Variants in WNK2 observed in about 807,000 individuals in gnomAD.
WNK2 encodes the protein serine/threonine-protein kinase WNK2.
Under a neutral mutation model 192.1 loss-of-function variants are expected in WNK2, and 67 were observed. That is an observed-to-expected ratio of 0.35 (90% CI 0.29 to 0.43). The LOEUF (loss-of-function observed/expected upper bound fraction) is 0.43. Ranked by LOEUF, WNK2 falls within the 20% of genes least tolerant of loss-of-function variation. WNK2 has a pLI of 1.00. For missense variants in WNK2, 2,698 were observed against 3,089.7 expected (o/e 0.87, Z 3.01); for synonymous variants, 1,439 against 1,393.9 (o/e 1.03, Z -0.72).
intron 14 of WNK2, chr9:93,263,314 A>C (rs1564120554): frequency 3.6e-6 from 2 of 559,520 alleles, no homozygotes; most frequent in African/African-American, 3.8e-5. Context: ...CAGGAGACTG[A>C]GAGGATCAAG....
At position 93,273,406 on chromosome 9, in the gene WNK2, G is replaced by A. The variant is rs537826651; in HGVS notation, c.4033+4660G>A. 1.6e-4 allele frequency among the ~76,000 whole-genome samples: 24 copies of A among 152,262 alleles called. No homozygotes were observed. The South Asian group carries it at 4.1e-3, about 26-fold the overall frequency. ...CTTGACCTCATGATCCACCCGCCTC[G>A]GCCTCCCAAAGTGCTGGGATTACAG... On this transcript the variant is annotated intron_variant, in intron 19 of 29. Coordinates refer to ENST00000427277, the MANE Select transcript of WNK2 (RefSeq NM_006648.4).
At chr9:93,214,647 T>C (rs1420194559) in intron 2 of WNK2, among the ~76,000 whole-genome samples, 2 of 151,128 alleles carry the variant, frequency 1.3e-5, no homozygotes, top group African/African-American at 4.9e-5. Flanking sequence ...TTTTACATGG[T>C]TTCTGTTGAG....
chr9:93,260,890 C>G (rs888317172), intron 12 of WNK2, among the ~76,000 whole-genome samples: 1 of 152,210 alleles, frequency 6.6e-6, no homozygotes, highest in South Asian at 2.1e-4. Flanking sequence ...ACCTTGCTGT[C>G]TGGGCTTTCC....
At chr9:93,253,548 C>T (rs937036452) in intron 9 of WNK2, among the ~76,000 whole-genome samples, 2 of 152,084 alleles carry the variant, frequency 1.3e-5, no homozygotes, top group African/African-American at 2.4e-5. Context: ...ATCATTTGTA[C>T]GAAGGAAACC....
In WNK2 at chr9:93,247,814, C is replaced by T. The variant is rs1841988104; in HGVS notation, c.1814C>T (p.Thr605Ile). The change falls in exon 8 of 30, where the codon ACC (threonine) becomes ATC (isoleucine). Residue 605 changes from threonine to isoleucine, a missense_variant. By Grantham distance (89) the Thr-to-Ile change is moderately conservative. Around this residue, in one of 7 missense-constraint regions of WNK2, gnomAD observed 893 missense variants for 909.0 expected, o/e 0.98. Transcript: ENST00000427277. The surrounding 1 kb of genome is among the most constrained non-coding windows in gnomAD (Gnocchi z 5.2). ...CACCTCCTGCCACCTACGTTGCCGA[C>T]CAGCGCCACCTCCCTGGCCTGTGAG... Reference protein sequence around the residue: ...DQHLLPPTLPTSATSLASDST... With the variant: ...DQHLLPPTLPISATSLASDST... The T allele has an allele frequency of 6.5e-7, 1 of 1,540,342 alleles. No individual in the cohort carries two copies. Among genetic ancestry groups the T allele is most frequent in the Non-Finnish European group, 8.7e-7 (1 of 1,147,704 alleles).
intron 26 of WNK2, among the ~76,000 whole-genome samples, chr9:93,301,804 C>T (rs1180271509): frequency 2.0e-5 from 3 of 152,210 alleles, no homozygotes; most frequent in Non-Finnish European, 4.4e-5. Flanking sequence ...GGCCCCACTT[C>T]CACCCCCATG....
chr9:93,196,160 T>C (rs920020907), intron 2 of WNK2, among the ~76,000 whole-genome samples: 3 of 152,176 alleles, frequency 2.0e-5, no homozygotes, highest in African/African-American at 7.2e-5. Flanking sequence ...AAGCCAGGAC[T>C]GGCTCTGGGG....
chr9:93,247,869 C>T lies in WNK2; in HGVS notation c.1834+35C>T, dbSNP rs547019090. ...CAGGGGTGGGATGGCCATGGGCACC[C>T]CTCCCACCTACCCTGCAAAAACCAG... is the stretch of plus-strand genomic sequence containing the variant. On this transcript the variant is annotated intron_variant, in intron 8 of 29. Coordinates refer to ENST00000427277, the MANE Select transcript of WNK2 (RefSeq NM_006648.4). The surrounding 1 kb of genome is among the most constrained non-coding windows in gnomAD (Gnocchi z 5.2). 3 of 1,526,700 alleles carry T rather than the reference C, an allele frequency of 2.0e-6. No homozygotes were observed. The South Asian group carries it at 3.6e-5, about 18-fold the overall frequency. The allele number at this position is 1,526,700 out of a possible 1,614,324, so 94.6% of individuals were successfully genotyped here.
intron 8 of WNK2, among the ~76,000 whole-genome samples, chr9:93,251,997 AACAG>A (rs1332396737): frequency 6.6e-6 from 1 of 152,244 alleles, no homozygotes; most frequent in Non-Finnish European, 1.5e-5. Flanking sequence ...TTAAATTATA[AACAG>A]ACACAGTATT....
intron 2 of WNK2, among the ~76,000 whole-genome samples, chr9:93,217,896 A>C (rs943890897): frequency 6.6e-6 from 1 of 152,180 alleles, no homozygotes; most frequent in African/African-American, 2.4e-5. Context: ...AGTGAGGCCT[A>C]GGTGACTTCA....
intron 28 of WNK2, among the ~76,000 whole-genome samples, chr9:93,309,497 T>C (rs1407769450): frequency 6.6e-6 from 1 of 152,236 alleles, no homozygotes; most frequent in African/African-American, 2.4e-5. Context: ...AAATTTTAAA[T>C]TAATTGCCAT....
At chr9:93,228,284 A>G (rs749402514) in intron 2 of WNK2, among the ~76,000 whole-genome samples, 5 of 152,160 alleles carry the variant, frequency 3.3e-5, no homozygotes, top group Non-Finnish European at 7.4e-5. Flanking sequence ...TTTTTTACCA[A>G]GATGACCCTT....
intron 18 of WNK2, 109 bp from the exon 19 acceptor site, chr9:93,268,518 A>G: frequency 6.7e-7 from 1 of 1,497,892 alleles, no homozygotes; most frequent in African/African-American, 1.4e-5. Flanking sequence ...CCATAGGTGT[A>G]AAGGAGTTCA....
rs758495591 is a variant in WNK2 at position 93,247,563 on chromosome 9, C to T, written c.1563C>T (p.His521=). ...TACAGATTGAGTCTGGATTCTTCCA[C>T]GAGAGTGACGTCAAGATCGTGGCCA... The part of the protein sequence containing the change: ...AQEMIESGFF[H]ESDVKIVAKS... The change falls in exon 8 of 30, where the codon CAC becomes CAT. Residue 521 remains histidine, a synonymous_variant. Transcript: ENST00000427277. The surrounding 1 kb of genome is among the most constrained non-coding windows in gnomAD (Gnocchi z 5.2). The T allele has an allele frequency of 8.7e-6, 14 of 1,609,990 alleles. No individual in the cohort carries two copies. The highest frequency in any genetic ancestry group is 1.3e-5 in the African/African-American group (1 of 74,884).
intron 7 of WNK2, among the ~76,000 whole-genome samples, chr9:93,246,436 C>T (rs936102384): frequency 9.2e-5 from 14 of 152,178 alleles, no homozygotes; most frequent in Non-Finnish European, 1.9e-4. Flanking sequence ...ATTTACACCG[C>T]GAAGGTGTCG....
In WNK2 at chr9:93,270,619, G is replaced by T. The variant is rs117361718; in HGVS notation, c.4033+1873G>T. Reference sequence around the variant, plus strand: ...CCCAAGGAGCAGAAGCAAATGCTTTGGTGCAGGCAGGAAAGCCTCCAGGAG... The same window carrying T: ...CCCAAGGAGCAGAAGCAAATGCTTTTGTGCAGGCAGGAAAGCCTCCAGGAG... On this transcript the variant is annotated intron_variant, in intron 19 of 29. Coordinates refer to ENST00000427277, the MANE Select transcript of WNK2 (RefSeq NM_006648.4). Among the ~76,000 whole-genome samples, 1,049 of 152,296 alleles carry T rather than the reference G, an allele frequency of 6.9e-3. 19 individuals are homozygous for T. In the South Asian group the frequency reaches 0.076, roughly 11 times the overall value.
intron 2 of WNK2, among the ~76,000 whole-genome samples, chr9:93,191,353 G>A (rs1209710208): frequency 2.6e-5 from 4 of 152,194 alleles, no homozygotes; most frequent in African/African-American, 9.7e-5. Flanking sequence ...AGGCTTGTGT[G>A]TATGTTGACT....
In WNK2 at chr9:93,288,809, A is replaced by G. The variant is rs1046984880; in HGVS notation, c.4055A>G (p.Gln1352Arg). 6.2e-7 allele frequency: 1 copy of G among 1,611,858 alleles called. No individual in the cohort carries two copies. The highest frequency in any genetic ancestry group is 8.5e-7 in the Non-Finnish European group (1 of 1,179,468). Residue 1352 changes from glutamine (Q) to arginine (R), a missense_variant, in exon 20 of 30, where the codon CAG (glutamine) becomes CGG (arginine). Coordinates refer to ENST00000427277, the MANE Select transcript of WNK2 (RefSeq NM_006648.4). ...ASQDSAPYKD[Q>R]LSSKEQPSFL... ...CTAGATTCAGCGCCCTATAAAGACC[A>G]GCTGTCCTCGAAGGAACAACCCAGC...
At chr9:93,303,501 C>T (rs16909009) in intron 26 of WNK2, among the ~76,000 whole-genome samples, 2,364 of 152,292 alleles carry the variant, frequency 0.016, 56 homozygotes, top group Admixed American at 0.057. Flanking sequence ...CTTCTCCCAC[C>T]GTGGAATGCT....
Sources: gnomAD v4.1 joint callset for allele counts (sites outside exome capture counted in the v4.1 genomes callset) on GRCh38, gnomAD v4.1.1 for gene constraint, gnomAD v4.1.1 regional missense constraint, Gnocchi (gnomAD v3.1) non-coding constraint, MANE v1.5 for transcripts, NCBI Gene and HGNC (gene_info 2026-07-23, HGNC 2026-07-21) for gene names.